The following KLHDC4 variants were observed in gnomAD, a reference collection of about 807,000 sequenced individuals.
KLHDC4 encodes the protein kelch domain containing 4.
Under a neutral mutation model 62.4 loss-of-function variants are expected in KLHDC4, and 90 were observed. The observed-to-expected ratio is 1.44, with a 90% CI of 1.22 to 1.72. The LOEUF (loss-of-function observed/expected upper bound fraction) is 1.72, where lower values mean the gene tolerates loss of function less well. Among genes scored for constraint, KLHDC4 ranks in the 40% most tolerant of loss-of-function variants. The probability of loss-of-function intolerance (pLI) is 0.00; values close to 1 mark genes in which losing one functional copy is unlikely to be tolerated. For synonymous variants in KLHDC4, 386 were observed against 284.4 expected, an observed-to-expected ratio of 1.36 and a Z score of -3.59; for missense variants, 1,025 against 699.7, an observed-to-expected ratio of 1.47 and a Z score of -5.25.
chr16:87,735,575 C>G (rs2041175377), intron 5 of KLHDC4, among the ~76,000 whole-genome samples: 1 of 152,186 alleles, frequency 6.6e-6, no homozygotes, highest in Non-Finnish European at 1.5e-5. Flanking sequence ...GTGGCAGTAG[C>G]CAAATATCAC....
chr16:87,730,297 C>A (rs1224608452), intron 6 of KLHDC4, among the ~76,000 whole-genome samples: 1 of 152,214 alleles, frequency 6.6e-6, no homozygotes, highest in African/African-American at 2.4e-5. Flanking sequence ...TTTGCAGGAC[C>A]TGGTGTAAAA....
chr16:87,746,599 C>T (rs533564901), intron 5 of KLHDC4, among the ~76,000 whole-genome samples: 1 of 152,168 alleles, frequency 6.6e-6, no homozygotes, highest in African/African-American at 2.4e-5. Flanking sequence ...GTTCATCCCC[C>T]ACACAGGTCT....
rs543678309 is a variant in KLHDC4, at chr16:87,765,288, A to G, written c.99+504T>C. The G allele has an allele frequency of 1.1e-5, 5 of 456,152 alleles. No individual in the cohort carries two copies. In the Admixed American group the frequency reaches 1.2e-4, roughly 11 times the overall value. 28.3% of individuals were successfully genotyped at this position (456,152 alleles called of 1,614,324 possible). ...ACCCCGTGGCTCCAGTGCCTTCTTC[A>G]CTTAACCATCTGCTGCTCACTGCTC... On this transcript the variant is annotated intron_variant, in intron 1 of 11. Transcript: ENST00000270583.
Position 87,708,378 on chromosome 16 carries a change from G to C in KLHDC4, c.1536C>G (p.Ser512Arg), listed in dbSNP as rs556357664. ...GAEGGVDDED[S>R]GEESGAED ...AGTCCTCCGCACCGCTCTCCTCTCC[G>C]CTGTCTTCGTCGTCGACCCCACCCT... Residue 512 changes from serine to arginine, a missense_variant, in exon 11 of 12, where the codon AGC becomes AGG. Coordinates refer to ENST00000270583, the MANE Select transcript of KLHDC4 (RefSeq NM_017566.4). 6.2e-7 allele frequency: 1 copy of C among 1,609,544 alleles called. No homozygotes were observed. The highest frequency in any genetic ancestry group is 2.2e-5 in the East Asian group (1 of 44,820).
chr16:87,733,329 G>A lies in KLHDC4; in HGVS notation c.507-2685C>T, dbSNP rs115836153. Reference sequence around the variant, plus strand: ...GAGCAACAAAACAGACAGGGGTGGTGAGGAGGCGCTCGGGCAGCAGGTGCT... The same window carrying A: ...GAGCAACAAAACAGACAGGGGTGGTAAGGAGGCGCTCGGGCAGCAGGTGCT... On this transcript the variant is annotated intron_variant, in intron 5 of 11. Coordinates refer to ENST00000270583, the MANE Select transcript of KLHDC4 (RefSeq NM_017566.4). Among the ~76,000 whole-genome samples the A allele has an allele frequency of 4.7e-3, 723 of 152,368 alleles. 3 individuals carry two copies. The highest frequency in any genetic ancestry group is 0.017 in the African/African-American group (692 of 41,578).
chr16:87,749,152 T>C (rs1408366563), intron 4 of KLHDC4, among the ~76,000 whole-genome samples: 1 of 151,914 alleles, frequency 6.6e-6, no homozygotes. Context: ...AGCAGTGTTT[T>C]CCTTTTATTA....
intron 7 of KLHDC4, among the ~76,000 whole-genome samples, chr16:87,717,220 G>A (rs569355917): frequency 6.6e-6 from 1 of 152,336 alleles, no homozygotes; most frequent in Middle Eastern, 3.4e-3. Context: ...GACAGAGTGA[G>A]ACTTCTCAAA....
In KLHDC4 at chr16:87,730,561, T is replaced by C; in HGVS notation, c.590A>G (p.Glu197Gly). The C allele has an allele frequency of 6.2e-7, 1 of 1,611,912 alleles. No individual in the cohort carries two copies. The highest frequency in any genetic ancestry group is 8.5e-7 in the Non-Finnish European group (1 of 1,179,496). Residue 197 changes from glutamate (E) to glycine (G), a missense_variant, in exon 6 of 12, where the codon GAA (glutamate) becomes GGA (glycine). Glu to Gly is a moderately conservative substitution (Grantham distance 98). Coordinates refer to ENST00000270583, the MANE Select transcript of KLHDC4 (RefSeq NM_017566.4). ...CGTTCTTGGTACCAACCGTGTACTT[T>C]CATGGAAGCCACCAAACAGGATCAA... ...RQLILFGGFH[E>G]STRDYIYYND... is the part of the protein sequence containing the mutation.
intron 9 of KLHDC4, 114 bp from the exon 10 acceptor site, chr16:87,709,781 G>T: frequency 4.7e-6 from 6 of 1,269,180 alleles, no homozygotes; most frequent in Non-Finnish European, 6.4e-6. Flanking sequence ...AGCGTGGGGA[G>T]TGTGTGACCC....
At chr16:87,753,817 A>C (rs2044412402) in intron 4 of KLHDC4, among the ~76,000 whole-genome samples, 1 of 151,378 alleles carries the variant, frequency 6.6e-6, no homozygotes, top group African/African-American at 2.4e-5. Context: ...GAAAAAAAAA[A>C]AAAAAATTAG....
intron 9 of KLHDC4, 96 bp downstream of exon 9, chr16:87,711,139 G>T (rs1172746670): frequency 6.9e-6 from 9 of 1,302,926 alleles, no homozygotes; most frequent in Middle Eastern, 1.9e-4. Context: ...GGCTTTGGGG[G>T]CCCCAATACC....
intron 5 of KLHDC4, among the ~76,000 whole-genome samples, chr16:87,737,351 G>A (rs2041507882): frequency 6.6e-6 from 1 of 152,018 alleles, no homozygotes; most frequent in Non-Finnish European, 1.5e-5. Context: ...ACTTTGGGAG[G>A]CCAAAGCAGC....
chr16:87,736,890 C>A (rs1045736066), intron 5 of KLHDC4, among the ~76,000 whole-genome samples: 1 of 151,768 alleles, frequency 6.6e-6, no homozygotes. Context: ...TTTGGGAGGC[C>A]GAGGTGGGTG....
chr16:87,708,493 C>CACGT, intron 10 of KLHDC4, 27 bp from the exon 11 acceptor site: 1 of 1,547,214 alleles, frequency 6.5e-7, no homozygotes, highest in East Asian at 2.3e-5. Context: ...AACGCACATA[C>CACGT]ACGTCAGCGC....
At chr16:87,746,640 A>T (rs1043337809) in intron 5 of KLHDC4, among the ~76,000 whole-genome samples, 1 of 152,156 alleles carries the variant, frequency 6.6e-6, no homozygotes, top group African/African-American at 2.4e-5. Context: ...GGCCAAGGAG[A>T]ACCAGAAATC....
At chr16:87,738,382 T>C (rs551087967) in intron 5 of KLHDC4, among the ~76,000 whole-genome samples, 16 of 150,740 alleles carry the variant, frequency 1.1e-4, no homozygotes, top group Middle Eastern at 3.2e-3. Flanking sequence ...CACACACATC[T>C]ATATCTTCAT....
At chr16:87,734,611 G>T (rs1301935847) in intron 5 of KLHDC4, among the ~76,000 whole-genome samples, 1 of 152,110 alleles carries the variant, frequency 6.6e-6, no homozygotes, top group Non-Finnish European at 1.5e-5. Flanking sequence ...ACCCCTCCAT[G>T]GAATGTCAAC....
intron 6 of KLHDC4, among the ~76,000 whole-genome samples, chr16:87,728,599 C>T (rs1422352699): frequency 6.6e-6 from 1 of 152,208 alleles, no homozygotes; most frequent in African/African-American, 2.4e-5. Flanking sequence ...TACAATCTCA[C>T]TGTCCTACAC....
chr16:87,737,081 C>T (rs1597204238), intron 5 of KLHDC4, among the ~76,000 whole-genome samples: 3 of 128,608 alleles, frequency 2.3e-5, no homozygotes, highest in East Asian at 2.5e-4. Flanking sequence ...CCCGAGATGG[C>T]GCCTTTGTAC....
Sources: allele counts gnomAD v4.1 joint callset (sites outside exome capture counted in the v4.1 genomes callset), GRCh38; gene constraint gnomAD v4.1.1; transcripts MANE v1.5; gene names NCBI Gene and HGNC (gene_info 2026-07-23, HGNC 2026-07-21).